Variants in PTPRD observed in about 807,000 individuals in gnomAD.
The protein encoded by PTPRD is receptor-type tyrosine-protein phosphatase delta.
PTPRD carries 34 observed loss-of-function variants against 214.5 expected under a neutral mutation model. The observed-to-expected ratio is 0.16, with a 90% CI of 0.12 to 0.21. The LOEUF is 0.21. Among genes scored for constraint, PTPRD ranks in the 10% least tolerant of loss-of-function variants. The pLI, the probability that PTPRD is intolerant of heterozygous loss-of-function variation, is 1.00. For synonymous variants in PTPRD, 1,128 were observed against 845.7 expected (o/e 1.33, Z -5.79); for missense variants, 2,545 against 2,398.7 (o/e 1.06, Z -1.27).
intron 8 of PTPRD, among the ~76,000 whole-genome samples, chr9:9,398,835 T>A (rs1569567982): frequency 6.6e-6 from 1 of 152,002 alleles, no homozygotes; most frequent in East Asian, 1.9e-4. Context: ...AGCACCAAGA[T>A]GGAAGTTACT....
At chr9:8,492,740 G>C in intron 27 of PTPRD, 122 bp downstream of exon 27, 2 of 550,078 alleles carry the variant, frequency 3.6e-6, no homozygotes, top group Non-Finnish European at 5.8e-6. Flanking sequence ...AAACACAAAA[G>C]TTGACCATAG....
chr9:8,616,976 T>C (rs2095633065), intron 14 of PTPRD, among the ~76,000 whole-genome samples: 2 of 152,124 alleles, frequency 1.3e-5, no homozygotes, highest in Admixed American at 1.3e-4. Context: ...TCGGGGATTA[T>C]CAGTGTATAA....
At chr9:8,493,529 A>G (rs1227160933) in intron 26 of PTPRD, among the ~76,000 whole-genome samples, 2 of 152,164 alleles carry the variant, frequency 1.3e-5, no homozygotes, top group African/African-American at 4.8e-5. Context: ...ATTTTGCCAA[A>G]TGGTTGTTGT....
chr9:9,321,294 G>A (rs2135997869), intron 9 of PTPRD, among the ~76,000 whole-genome samples: 1 of 152,260 alleles, frequency 6.6e-6, no homozygotes, highest in Admixed American at 6.5e-5. Flanking sequence ...AGTGGCTCAT[G>A]CCTGTAATCC....
At chr9:9,479,935 A>C (rs2095329929) in intron 8 of PTPRD, among the ~76,000 whole-genome samples, 1 of 152,168 alleles carries the variant, frequency 6.6e-6, no homozygotes, top group Non-Finnish European at 1.5e-5. Context: ...AATAAAAGCA[A>C]ATCTGACAGG....
intron 10 of PTPRD, among the ~76,000 whole-genome samples, chr9:9,139,756 A>G (rs10977525): frequency 0.16 from 24,610 of 152,082 alleles, 2,032 homozygotes; most frequent in South Asian, 0.27. Context: ...ATGGTTGACC[A>G]CAGGTAATTG....
At chr9:8,845,038 A>T (rs1351349732) in intron 11 of PTPRD, among the ~76,000 whole-genome samples, 1 of 152,074 alleles carries the variant, frequency 6.6e-6, no homozygotes, top group African/African-American at 2.4e-5. Flanking sequence ...ATAGTGCTTT[A>T]CTCAGCCTTA....
intron 3 of PTPRD, among the ~76,000 whole-genome samples, chr9:10,310,060 C>T (rs1051579317): frequency 6.6e-6 from 1 of 152,080 alleles, no homozygotes; most frequent in Non-Finnish European, 1.5e-5. Flanking sequence ...CTCTTCCTCA[C>T]AATTGGTAAA....
At chr9:9,801,648 CTGAT>C (rs1273885214) in intron 5 of PTPRD, among the ~76,000 whole-genome samples, 1 of 152,018 alleles carries the variant, frequency 6.6e-6, no homozygotes, top group Non-Finnish European at 1.5e-5. Flanking sequence ...ATTTTATTAA[CTGAT>C]TGGTCAATAA....
intron 8 of PTPRD, among the ~76,000 whole-genome samples, chr9:9,398,127 C>A (rs1422668872): frequency 6.6e-6 from 1 of 151,460 alleles, no homozygotes; most frequent in Non-Finnish European, 1.5e-5. Context: ...CTCTTTCTCC[C>A]TTCCTTCCTT....
chr9:8,845,027 A>C (rs900718592), intron 11 of PTPRD, among the ~76,000 whole-genome samples: 1 of 152,172 alleles, frequency 6.6e-6, no homozygotes, highest in Admixed American at 6.5e-5. Flanking sequence ...TGACAAGTAT[A>C]ATAGTGCTTT....
intron 3 of PTPRD, among the ~76,000 whole-genome samples, chr9:10,147,553 T>A (rs2099031775): frequency 1.3e-5 from 2 of 152,086 alleles, no homozygotes; most frequent in Admixed American, 1.3e-4. Flanking sequence ...AGAAGAAAGG[T>A]CTAAAAGGAA....
intron 45 of PTPRD, among the ~76,000 whole-genome samples, chr9:8,318,642 G>A (rs572413059): frequency 1.3e-5 from 2 of 152,070 alleles, no homozygotes; most frequent in South Asian, 2.1e-4. Flanking sequence ...GGCTTCACAG[G>A]ACTGGCTGCC....
chr9:9,685,331 A>T (rs1262440278), intron 7 of PTPRD, among the ~76,000 whole-genome samples: 3 of 151,178 alleles, frequency 2.0e-5, no homozygotes, highest in Non-Finnish European at 4.4e-5. Flanking sequence ...ATCCACATAT[A>T]TGCACATATA....
intron 43 of PTPRD, 56 bp downstream of exon 43, chr9:8,338,866 G>GAGAGAGAGAGT: frequency 2.8e-6 from 2 of 712,476 alleles, no homozygotes; most frequent in Non-Finnish European, 4.1e-6. Flanking sequence ...AGAGAGAGAG[G>GAGAGAGAGAGT]TATCTTAGAC....
intron 2 of PTPRD, among the ~76,000 whole-genome samples, chr9:10,482,952 G>C (rs2099110073): frequency 6.6e-6 from 1 of 151,984 alleles, no homozygotes; most frequent in South Asian, 2.1e-4. Context: ...AATTCATATG[G>C]AACCAAAAAA....
At chr9:9,902,239 TTATC>T (rs1364154220) in intron 5 of PTPRD, among the ~76,000 whole-genome samples, 2 of 152,188 alleles carry the variant, frequency 1.3e-5, no homozygotes, top group African/African-American at 2.4e-5. Flanking sequence ...TATTTCTTTC[TTATC>T]TATTTTTAAT....
intron 11 of PTPRD, among the ~76,000 whole-genome samples, chr9:8,884,879 C>T (rs761395668): frequency 1.3e-5 from 2 of 152,126 alleles, no homozygotes; most frequent in African/African-American, 2.4e-5. Context: ...TTACATACTG[C>T]ACATCTGGAT....
rs1364788876 is a variant in PTPRD, at chr9:8,576,052, T to G, written c.353-47273A>C. On this transcript the variant is annotated intron_variant, in intron 14 of 45. Transcript: ENST00000381196. ...ATGTTGTAATGGATGATACTTAGTA[T>G]GCATGAAAGCTTGGGAGCAAATAAT... is the stretch of plus-strand genomic sequence containing the variant. 1.3e-5 allele frequency among the ~76,000 whole-genome samples: 2 copies of G among 152,222 alleles called. 1 individual carries two copies. Among genetic ancestry groups the G allele is most frequent in the South Asian group, 4.1e-4 (2 of 4,836 alleles).
Sources: allele counts gnomAD v4.1 joint callset (sites outside exome capture counted in the v4.1 genomes callset), GRCh38; gene constraint gnomAD v4.1.1; transcripts MANE v1.5; gene names NCBI Gene and HGNC (gene_info 2026-07-23, HGNC 2026-07-21).